Variants in SNRPN observed in about 807,000 individuals in gnomAD.
SNRPN encodes small nuclear ribonucleoprotein polypeptide N, also known as small nuclear ribonucleoprotein-associated protein N.
SNRPN carries 7 observed loss-of-function variants against 25.2 expected under a neutral mutation model. That is an observed-to-expected ratio of 0.28 (90% CI 0.16 to 0.52). The LOEUF (loss-of-function observed/expected upper bound fraction) is 0.52, where lower values mean the gene tolerates loss of function less well. Ranked by LOEUF, SNRPN falls within the 20% of genes least tolerant of loss-of-function variation. The probability of loss-of-function intolerance (pLI) is 0.96; values close to 1 mark genes in which losing one functional copy is unlikely to be tolerated. For synonymous variants in SNRPN, 124 were observed against 110.6 expected, an observed-to-expected ratio of 1.12 and a Z score of -0.76; for missense variants, 196 against 322.5, an observed-to-expected ratio of 0.61 and a Z score of 3.00.
chr15:24,838,665 G>T (rs1374312831), intron 2 of SNRPN, among the ~76,000 whole-genome samples: 1 of 152,016 alleles, frequency 6.6e-6, no homozygotes, highest in African/African-American at 2.4e-5. Flanking sequence ...ACTTCTGCTG[G>T]CACCCAAAGC....
intron 1 of SNRPN, among the ~76,000 whole-genome samples, 165 bp downstream of exon 1, chr15:24,955,227 G>C (rs1423561784): frequency 6.6e-6 from 1 of 152,190 alleles, no homozygotes; most frequent in Non-Finnish European, 1.5e-5. Context: ...GAGGCTTGCT[G>C]TTGTGCCGTT....
At chr15:24,961,009 A>G (rs1566957593) in intron 1 of SNRPN, among the ~76,000 whole-genome samples, 1 of 152,010 alleles carries the variant, frequency 6.6e-6, no homozygotes, top group Non-Finnish European at 1.5e-5. Flanking sequence ...ACTTAGCTGT[A>G]TGTTAAGCAA....
chr15:24,949,844 T>G (rs922965296), intron 3 of SNRPN, among the ~76,000 whole-genome samples: 1 of 151,814 alleles, frequency 6.6e-6, no homozygotes, highest in African/African-American at 2.4e-5. Flanking sequence ...TTTTTTTTTT[T>G]GGAGAACGGG....
upstream of SNRPN, among the ~76,000 whole-genome samples, chr15:24,853,543 G>A (rs559512054): frequency 3.4e-4 from 51 of 152,108 alleles, 1 homozygote; most frequent in Admixed American, 1.0e-3. Flanking sequence ...ACAGGCGCCC[G>A]CCACCACGCC....
chr15:24,957,312 A>C (rs776446741), intron 1 of SNRPN, among the ~76,000 whole-genome samples: 36 of 152,150 alleles, frequency 2.4e-4, no homozygotes, highest in Non-Finnish European at 4.0e-4. Flanking sequence ...GAAAGCTGCA[A>C]GTTTTGTGCT....
intron 2 of SNRPN, among the ~76,000 whole-genome samples, chr15:24,962,905 GT>G (rs901734385): frequency 5.9e-5 from 9 of 151,510 alleles, no homozygotes; most frequent in South Asian, 2.1e-4. Flanking sequence ...AGCTACAATT[GT>G]TTTTTTTAAT....
At position 24,930,557 on chromosome 15, in the gene SNRPN, G is replaced by A. The variant is rs1361789863; in HGVS notation, c.-391+10433G>A. ...GCTCAGGAATTTGAGACCGGCCTGGGAAACATAGGGAAACCCTGTCTCTAC... is the reference window on the plus strand; with the variant it reads ...GCTCAGGAATTTGAGACCGGCCTGGAAAACATAGGGAAACCCTGTCTCTAC... On this transcript the variant is annotated intron_variant, in intron 3 of 11. Transcript: ENST00000400097. Among the ~76,000 whole-genome samples the A allele has an allele frequency of 1.1e-4, 13 of 113,974 alleles. No homozygotes were observed. In the Admixed American group the frequency reaches 1.3e-3, roughly 11 times the overall value. 74.8% of individuals were successfully genotyped at this position (113,974 alleles called of 152,430 possible).
chr15:24,887,505 G>A (rs1164042114), intron 2 of SNRPN, among the ~76,000 whole-genome samples: 2 of 147,730 alleles, frequency 1.4e-5, no homozygotes, highest in Admixed American at 1.4e-4. Context: ...ATCAGTCCAT[G>A]TATTATAATA....
chr15:24,887,016 T>C (rs931277734), intron 2 of SNRPN, among the ~76,000 whole-genome samples: 1 of 152,186 alleles, frequency 6.6e-6, no homozygotes, highest in Admixed American at 6.5e-5. Context: ...TTAAGTATCA[T>C]TGTCATCTCA....
intron 2 of SNRPN, among the ~76,000 whole-genome samples, chr15:24,892,178 A>C (rs1200434930): frequency 6.6e-6 from 1 of 152,238 alleles, no homozygotes; most frequent in African/African-American, 2.4e-5. Context: ...TAAAATATCC[A>C]GTCTATTTCC....
intron 4 of SNRPN, chr15:24,975,103 A>C: frequency 1.6e-6 from 1 of 636,354 alleles, no homozygotes; most frequent in Non-Finnish European, 2.8e-6. Context: ...TAGAGCATGC[A>C]TCGTCACAGA....
chr15:24,855,170 GTAA>G (rs113608487), upstream of SNRPN, among the ~76,000 whole-genome samples: 5 of 151,308 alleles, frequency 3.3e-5, no homozygotes, highest in African/African-American at 9.8e-5. Flanking sequence ...GAAATGTAAA[GTAA>G]TGATGCAACC....
At chr15:24,962,313 G>A in intron 2 of SNRPN, 104 bp downstream of exon 2, 1 of 896,096 alleles carries the variant, frequency 1.1e-6, no homozygotes, top group African/African-American at 1.6e-5. Context: ...AATTGAAGAA[G>A]CAGACACATC....
intron 2 of SNRPN, among the ~76,000 whole-genome samples, chr15:24,830,577 A>C (rs558602737): frequency 6.6e-6 from 1 of 151,918 alleles, no homozygotes; most frequent in Non-Finnish European, 1.5e-5. Context: ...CAATGCTGTA[A>C]TTTTCCTCTA....
At chr15:24,923,876 CGTGTATGTGTGTGTGTGTGTGTGT>C (rs2060185500) in intron 3 of SNRPN, among the ~76,000 whole-genome samples, 2 of 107,022 alleles carry the variant, frequency 1.9e-5, no homozygotes, top group Non-Finnish European at 3.7e-5. Flanking sequence ...TTTTTAGTGC[CGTGTATGTGTGTGTGTGTGTGTGT>C]GTGTGTGTGT....
intron 1 of SNRPN, among the ~76,000 whole-genome samples, chr15:24,880,497 G>C (rs1258719079): frequency 6.6e-6 from 1 of 152,110 alleles, no homozygotes; most frequent in Admixed American, 6.6e-5. Context: ...ACAGTCCAGT[G>C]TTATTCCTTC....
intron 3 of SNRPN, among the ~76,000 whole-genome samples, chr15:24,927,025 TA>T (rs1221422221): frequency 3.3e-5 from 5 of 151,750 alleles, no homozygotes; most frequent in Non-Finnish European, 7.4e-5. Context: ...AAGAATATTT[TA>T]AAAAAAACCT....
At chr15:24,962,660 G>C (rs994461656) in intron 2 of SNRPN, among the ~76,000 whole-genome samples, 1 of 152,048 alleles carries the variant, frequency 6.6e-6, no homozygotes, top group South Asian at 2.1e-4. Context: ...CCTGTTTTAA[G>C]TATATATATG....
chr15:24,956,394 G>T (rs1320971248), intron 1 of SNRPN, among the ~76,000 whole-genome samples: 3 of 151,060 alleles, frequency 2.0e-5, no homozygotes, highest in Non-Finnish European at 4.4e-5. Context: ...CCGCCAGTGG[G>T]GAGGGGGCAG....
Sources: allele counts gnomAD v4.1 joint callset (sites outside exome capture counted in the v4.1 genomes callset), GRCh38; gene constraint gnomAD v4.1.1; transcripts MANE v1.5; gene names NCBI Gene and HGNC (gene_info 2026-07-23, HGNC 2026-07-21).